MED12L: variants seen among roughly 807,000 people sequenced by gnomAD.
The protein encoded by MED12L is mediator of RNA polymerase II transcription subunit 12-like protein.
A neutral mutation model predicts 281.3 loss-of-function variants in MED12L; 60 were observed. That is an observed-to-expected ratio of 0.21 (90% confidence interval 0.17 to 0.26). The LOEUF (loss-of-function observed/expected upper bound fraction) is 0.26, where lower values mean the gene tolerates loss of function less well. MED12L is among the 10% of genes least tolerant of loss of function. The pLI is 1.00. For synonymous variants in MED12L, 974 were observed against 987.2 expected, an observed-to-expected ratio of 0.99 and a Z score of 0.25; for missense variants, 2,146 against 2,680.9, an observed-to-expected ratio of 0.80 and a Z score of 4.41.
intron 16 of MED12L, among the ~76,000 whole-genome samples, chr3:151,311,682 T>G (rs1747541024): frequency 6.6e-6 from 1 of 152,222 alleles, no homozygotes; most frequent in Non-Finnish European, 1.5e-5. Context: ...AGCCACATTC[T>G]ACTTCATCAT....
chr3:151,403,026 C>CTT (rs35870229), intron 39 of MED12L, among the ~76,000 whole-genome samples: 59 of 145,496 alleles, frequency 4.1e-4, no homozygotes, highest in Non-Finnish European at 7.4e-4. Flanking sequence ...TTTCTTTTTT[C>CTT]TTTTTTTTTT....
rs776507674 is a variant in MED12L, at chr3:151,159,854, C to T, written c.860C>T (p.Ser287Leu). 2 of 1,613,844 alleles carry T rather than the reference C, an allele frequency of 1.2e-6. No homozygotes were observed. Among genetic ancestry groups the T allele is most frequent in the Non-Finnish European group, 1.7e-6 (2 of 1,179,844 alleles). ...MLQYSDEFVQ[S>L]AYLSRRLAYF... ...CAGTATTCAGATGAGTTTGTTCAGT[C>T]GGCCTACCTGTCTCGTCGTCTTGCC... Residue 287 changes from serine (S) to leucine (L), a missense_variant, in exon 8 of 45, where the codon TCG (serine) becomes TTG (leucine). Physicochemically the swap from Ser to Leu is moderately radical, Grantham distance 145 (BLOSUM62 -2). This residue lies in a region of MED12L where 722 missense variants were observed against 861.2 expected (regional missense o/e 0.84). Transcript: ENST00000687756.
At chr3:151,180,911 C>G (rs1722623031) in intron 11 of MED12L, among the ~76,000 whole-genome samples, 2 of 152,130 alleles carry the variant, frequency 1.3e-5, no homozygotes, top group South Asian at 4.1e-4. Flanking sequence ...AGCAACTACC[C>G]TATTCTTCTT....
intron 16 of MED12L, among the ~76,000 whole-genome samples, chr3:151,217,028 G>A (rs1728375407): frequency 6.6e-6 from 1 of 152,128 alleles, no homozygotes; most frequent in Non-Finnish European, 1.5e-5. Context: ...TAGGTACTGA[G>A]TACTTGTGGG....
chr3:151,364,976 C>T lies in MED12L; in HGVS notation c.2958-3C>T. ...GTTTTAACTTTTTTTCTTATAACCTCAGTAGTGCCTGTTCAAAAGTAAAGC... is the reference window on the plus strand; with the variant it reads ...GTTTTAACTTTTTTTCTTATAACCTTAGTAGTGCCTGTTCAAAAGTAAAGC... On this transcript the variant is annotated splice_polypyrimidine_tract_variant and splice_region_variant and intron_variant, in intron 21 of 44. Coordinates refer to ENST00000687756, the MANE Select transcript of MED12L (RefSeq NM_001393769.1). The T allele has an allele frequency of 6.2e-7, 1 of 1,607,534 alleles. No individual in the cohort carries two copies. The highest frequency in any genetic ancestry group is 8.5e-7 in the Non-Finnish European group (1 of 1,174,048).
intron 5 of MED12L, among the ~76,000 whole-genome samples, chr3:151,128,479 A>C (rs1576786399): frequency 6.8e-6 from 1 of 147,304 alleles, no homozygotes; most frequent in South Asian, 2.3e-4. Context: ...ATCTGCCCCC[A>C]CCCCCGGCTC....
At chr3:151,387,520 T>G (rs1713592160) in intron 36 of MED12L, among the ~76,000 whole-genome samples, 1 of 152,188 alleles carries the variant, frequency 6.6e-6, no homozygotes, top group Admixed American at 6.5e-5. Flanking sequence ...TTTTAGAATT[T>G]TTTTAGCAAA....
At chr3:151,304,159 CA>C (rs1442142251) in intron 16 of MED12L, among the ~76,000 whole-genome samples, 1 of 152,064 alleles carries the variant, frequency 6.6e-6, no homozygotes, top group Non-Finnish European at 1.5e-5. Context: ...GCAGCAATCT[CA>C]GAAAACTCTT....
intron 43 of MED12L, 151 bp downstream of exon 43, chr3:151,416,573 G>A (rs1258643188): frequency 1.7e-5 from 12 of 715,664 alleles, no homozygotes; most frequent in Non-Finnish European, 2.3e-5. Flanking sequence ...TATTGTCATT[G>A]TAGTTGGTAT....
At chr3:151,157,566 G>A (rs1187773994) in intron 6 of MED12L, among the ~76,000 whole-genome samples, 4 of 151,900 alleles carry the variant, frequency 2.6e-5, no homozygotes, top group South Asian at 2.1e-4. Flanking sequence ...AATGAAAACT[G>A]TATATATATT....
chr3:151,179,662 G>T (rs1460145024), intron 11 of MED12L, among the ~76,000 whole-genome samples: 2 of 152,134 alleles, frequency 1.3e-5, no homozygotes, highest in Non-Finnish European at 2.9e-5. Flanking sequence ...GACCCCTCTT[G>T]GATAGGACTT....
At chr3:151,281,193 C>T (rs1318828892) in intron 16 of MED12L, among the ~76,000 whole-genome samples, 4 of 143,112 alleles carry the variant, frequency 2.8e-5, no homozygotes, top group Non-Finnish European at 1.5e-5. Flanking sequence ...TCCAGACCAG[C>T]CTGACCGACA....
chr3:151,237,835 A>G (rs911526528), intron 16 of MED12L, among the ~76,000 whole-genome samples: 2 of 152,152 alleles, frequency 1.3e-5, no homozygotes, highest in Admixed American at 6.5e-5. Flanking sequence ...GCATCTCTTC[A>G]TATGATCACT....
At chr3:151,422,471 C>G (rs981889391) in intron 43 of MED12L, among the ~76,000 whole-genome samples, 16 of 152,184 alleles carry the variant, frequency 1.1e-4, no homozygotes, top group African/African-American at 3.9e-4. Context: ...AAGCAGCACC[C>G]TGAGCTTTGC....
At chr3:151,121,615 C>T (rs1445925414) in intron 3 of MED12L, among the ~76,000 whole-genome samples, 1 of 152,178 alleles carries the variant, frequency 6.6e-6, no homozygotes. Context: ...TTAACTGCAT[C>T]ATTGTATTAA....
chr3:151,318,675 A>G (rs528544896), intron 16 of MED12L, among the ~76,000 whole-genome samples: 1 of 152,304 alleles, frequency 6.6e-6, no homozygotes, highest in Middle Eastern at 3.4e-3. Context: ...AAATCTTAGT[A>G]GGGAGCTTAT....
intron 16 of MED12L, among the ~76,000 whole-genome samples, chr3:151,317,474 G>A (rs555869497): frequency 3.0e-4 from 13 of 43,490 alleles, no homozygotes; most frequent in African/African-American, 5.7e-4. Context: ...TTTGTGAGAC[G>A]GAGTCTCACA....
At chr3:151,110,640 T>C (rs1321685359) in intron 2 of MED12L, among the ~76,000 whole-genome samples, 5 of 152,216 alleles carry the variant, frequency 3.3e-5, no homozygotes, top group Non-Finnish European at 5.9e-5. Flanking sequence ...TTTGTACTAA[T>C]AAACCTCACA....
At chr3:151,390,585 T>C (rs1714077393) in intron 38 of MED12L, among the ~76,000 whole-genome samples, 2 of 152,192 alleles carry the variant, frequency 1.3e-5, no homozygotes, top group Admixed American at 1.3e-4. Context: ...ATGTTCCTGA[T>C]TTTAGTATTG....
Sources: gnomAD v4.1 joint callset for allele counts (sites outside exome capture counted in the v4.1 genomes callset) on GRCh38, gnomAD v4.1.1 for gene constraint, gnomAD v4.1.1 regional missense constraint, MANE v1.5 for transcripts, NCBI Gene and HGNC (gene_info 2026-07-23, HGNC 2026-07-21) for gene names.